MFN1: variants seen among roughly 807,000 people sequenced by gnomAD.
The protein encoded by MFN1 is mitofusin-1.
Under a neutral mutation model 92.4 loss-of-function variants are expected in MFN1, and 65 were observed. The observed-to-expected ratio is 0.70, with a 90% CI of 0.58 to 0.86. The LOEUF (loss-of-function observed/expected upper bound fraction) is 0.86. Ranked by LOEUF, MFN1 falls within the 40% of genes least tolerant of loss-of-function variation. The pLI is 0.00. For missense variants in MFN1, 781 were observed against 868.0 expected, an observed-to-expected ratio of 0.90 and a Z score of 1.26; for synonymous variants, 297 against 300.9, an observed-to-expected ratio of 0.99 and a Z score of 0.13.
At chr3:179,388,386 T>C (rs1713778921) in intron 16 of MFN1, among the ~76,000 whole-genome samples, 1 of 152,222 alleles carries the variant, frequency 6.6e-6, no homozygotes. Flanking sequence ...TATTTTTAGA[T>C]CTCAGGAGAA....
rs1713993499 is a variant in MFN1 at position 179,393,762 on chromosome 3, A to G, written c.*1703A>G. ...CAAAACTCAAGGCTGTAACCTTTAT[A>G]TGAAAGTACTTAAGCTTGAAAGTTC... On this transcript the variant is annotated 3_prime_UTR_variant, in exon 18 of 18. Coordinates refer to ENST00000471841, the MANE Select transcript of MFN1 (RefSeq NM_033540.3). 6.6e-6 allele frequency: 1 copy of G among 152,256 alleles called. No individual in the cohort carries two copies. Among genetic ancestry groups the G allele is most frequent in the Non-Finnish European group, 1.5e-5 (1 of 68,048 alleles). The allele number at this position is 152,256 out of a possible 1,614,324, so 9.4% of individuals were successfully genotyped here.
rs1713260680 is a variant in MFN1, at chr3:179,376,911, T to C, written c.1098-131T>C. On this transcript the variant is annotated intron_variant, in intron 10 of 17. Coordinates refer to ENST00000471841, the MANE Select transcript of MFN1 (RefSeq NM_033540.3). The stretch of plus-strand genomic sequence containing the variant: ...TAAGTGAAATATTACTTGAATCCTT[T>C]GAGATGTTACAAGTTTTTTTTTTCC... 3 of 756,400 alleles carry C rather than the reference T, an allele frequency of 4.0e-6. No individual in the cohort carries two copies. In the South Asian group the frequency reaches 8.1e-5, roughly 20 times the overall value. 46.9% of individuals were successfully genotyped at this position (756,400 alleles called of 1,614,324 possible). A position where few individuals can be genotyped will look rare whatever the true frequency, so the allele number is the denominator to read the frequency against.
Position 179,360,211 on chromosome 3 carries a change from C to T in MFN1, c.411+1209C>T, listed in dbSNP as rs139928450. On this transcript the variant is annotated intron_variant, in intron 4 of 17. Coordinates refer to ENST00000471841, the MANE Select transcript of MFN1 (RefSeq NM_033540.3). ...GATTACAGGCGTGAACCACCACGCCCGGCTGAGACTAACATTATTGAAGTG... is the reference window on the plus strand; with the variant it reads ...GATTACAGGCGTGAACCACCACGCCTGGCTGAGACTAACATTATTGAAGTG... Among the ~76,000 whole-genome samples the T allele has an allele frequency of 5.5e-4, 83 of 152,216 alleles. 1 individual carries two copies. Among genetic ancestry groups the T allele is most frequent in the African/African-American group, 1.7e-3 (71 of 41,526 alleles).
chr3:179,383,979 A>AT (rs1218072670), intron 14 of MFN1, among the ~76,000 whole-genome samples: 2 of 152,138 alleles, frequency 1.3e-5, no homozygotes, highest in Non-Finnish European at 2.9e-5. Flanking sequence ...ATTTGTAGTC[A>AT]ATTATGATTT....
At chr3:179,385,776 G>T (rs1419332728) in intron 15 of MFN1, 55 bp downstream of exon 15, 2 of 1,526,740 alleles carry the variant, frequency 1.3e-6, no homozygotes, top group Non-Finnish European at 1.8e-6. Flanking sequence ...AAGGCTGCCT[G>T]TTAGCTCACA....
intron 7 of MFN1, among the ~76,000 whole-genome samples, chr3:179,367,102 G>A (rs1035087584): frequency 6.6e-6 from 1 of 152,054 alleles, no homozygotes; most frequent in Admixed American, 6.6e-5. Flanking sequence ...TAATTTTTGT[G>A]TTTTTAATAA....
Position 179,385,554 on chromosome 3 carries a change from C to CT in MFN1, c.1663-6dup, listed in dbSNP as rs35893655. 0.61 allele frequency: 874,237 copies of CT among 1,429,922 alleles called. 246,395 individuals carry two copies. Among genetic ancestry groups the CT allele is most frequent in the African/African-American group, 0.76 (50,886 of 67,044 alleles). 88.6% of individuals were successfully genotyped at this position (1,429,922 alleles called of 1,614,324 possible). The stretch of plus-strand genomic sequence containing the variant: ...TTAAGTGTAATCTTTTTTCCTTTCT[C>CT]TTTTTTTTTGGCAGCTCCCTAGATC... On this transcript the variant is annotated splice_polypyrimidine_tract_variant and intron_variant, in intron 14 of 17. Coordinates refer to ENST00000471841, the MANE Select transcript of MFN1 (RefSeq NM_033540.3).
chr3:179,387,584 CTTTTTTTTTTT>C (rs769878779), intron 16 of MFN1, among the ~76,000 whole-genome samples: 17 of 82,262 alleles, frequency 2.1e-4, no homozygotes, highest in African/African-American at 5.9e-4. Context: ...TTTGTGGTTT[CTTTTTTTTTTT>C]TTTTTTTTTT....
intron 3 of MFN1, among the ~76,000 whole-genome samples, chr3:179,353,874 C>G (rs1712249792): frequency 6.6e-6 from 1 of 152,254 alleles, no homozygotes; most frequent in Non-Finnish European, 1.5e-5. Flanking sequence ...GTAGCTACGT[C>G]TAGTGCCTTC....
Position 179,394,043 on chromosome 3 carries a change from T to C in MFN1, c.*1984T>C, listed in dbSNP as rs1224053396. On this transcript the variant is annotated 3_prime_UTR_variant, in exon 18 of 18. Coordinates refer to ENST00000471841, the MANE Select transcript of MFN1 (RefSeq NM_033540.3). The stretch of plus-strand genomic sequence containing the variant: ...GGCTAGTTTTTGTAAAGACGAGGTT[T>C]CCCCATGTTGTGCAGGCTGGTCTTG... 1 of 152,172 alleles carries C rather than the reference T, an allele frequency of 6.6e-6. No individual in the cohort carries two copies. The highest frequency in any genetic ancestry group is 1.5e-5 in the Non-Finnish European group (1 of 68,090). The allele number at this position is 152,172 out of a possible 1,614,324, so 9.4% of individuals were successfully genotyped here.
chr3:179,377,476 C>A, intron 12 of MFN1, 28 bp downstream of exon 12: 2 of 1,354,540 alleles, frequency 1.5e-6, no homozygotes, highest in Non-Finnish European at 2.1e-6. Context: ...TAAAATTATT[C>A]AGAGACAGTT....
chr3:179,362,522 T>C, intron 5 of MFN1, 40 bp downstream of exon 5: 1 of 1,596,236 alleles, frequency 6.3e-7, no homozygotes. Flanking sequence ...TGGAAGTTTA[T>C]TTAATAGTAT....
In MFN1 at chr3:179,385,644, C is replaced by T; in HGVS notation, c.1738C>T (p.Leu580Phe). The change falls in exon 15 of 18, where the codon CTC (leucine) becomes TTC (phenylalanine). Residue 580 changes from leucine (L) to phenylalanine (F), a missense_variant. Physicochemically the swap from Leu to Phe is conservative, Grantham distance 22. Transcript: ENST00000471841. Reference sequence around the variant, plus strand: ...GCCAGATAATGCATCACAGGAAGAACTCATGATTACATTAGTAACAGGATT... The same window carrying T: ...GCCAGATAATGCATCACAGGAAGAATTCATGATTACATTAGTAACAGGATT... The part of the protein sequence containing the change: ...ATPDNASQEE[L>F]MITLVTGLAS... 6.2e-7 allele frequency: 1 copy of T among 1,613,722 alleles called. No individual in the cohort carries two copies. Among genetic ancestry groups the T allele is most frequent in the South Asian group, 1.1e-5 (1 of 91,068 alleles).
In MFN1 at chr3:179,348,899, G is replaced by A. The variant is rs113138747; in HGVS notation, c.48G>A (p.Lys16=). The A allele has an allele frequency of 2.1e-4, 338 of 1,606,846 alleles. 4 individuals carry two copies. In the Middle Eastern group the frequency reaches 2.7e-3, roughly 13 times the overall value. Residue 16 remains lysine (K), a synonymous_variant, in exon 2 of 18, where the codon AAG becomes AAA. Coordinates refer to ENST00000471841, the MANE Select transcript of MFN1 (RefSeq NM_033540.3). ...SPLKHFVLAK[K]AITAIFDQLL... ...TGAAGCACTTTGTGCTGGCTAAGAA[G>A]GCGATTACTGCAATCTTTGACCAGT...
chr3:179,367,518 A>C lies in MFN1; in HGVS notation c.833A>C (p.Asn278Thr). The change falls in exon 8 of 18, where the codon AAT becomes ACT. Residue 278 changes from asparagine to threonine, a missense_variant. Physicochemically the swap from Asn to Thr is moderately conservative, Grantham distance 65. Coordinates refer to ENST00000471841, the MANE Select transcript of MFN1 (RefSeq NM_033540.3). ...LKVVNALEAQ[N>T]RIFFVSAKEV... The stretch of plus-strand genomic sequence containing the variant: ...GTTGTAAATGCTTTAGAAGCACAGA[A>C]TCGTATCTTCTTTGTTTCAGCAAAG... 2 of 1,613,868 alleles carry C rather than the reference A, an allele frequency of 1.2e-6. No individual in the cohort carries two copies. Among genetic ancestry groups the C allele is most frequent in the South Asian group, 2.2e-5 (2 of 91,054 alleles).
chr3:179,376,374 T>G (rs2108547095), intron 10 of MFN1, among the ~76,000 whole-genome samples: 1 of 152,312 alleles, frequency 6.6e-6, no homozygotes, highest in Admixed American at 6.5e-5. Context: ...TAGTAATAAT[T>G]TTTAAAGATA....
intron 17 of MFN1, among the ~76,000 whole-genome samples, chr3:179,390,655 C>T (rs1713864125): frequency 6.6e-6 from 1 of 152,154 alleles, no homozygotes; most frequent in South Asian, 2.1e-4. Context: ...GAAAGTGTCA[C>T]CATTCGGTCT....
rs1368044798 is a variant in MFN1, at chr3:179,367,503, C to A, written c.818C>A (p.Ala273Asp). The A allele has an allele frequency of 6.2e-7, 1 of 1,613,668 alleles. No individual in the cohort carries two copies. The highest frequency in any genetic ancestry group is 1.1e-5 in the South Asian group (1 of 91,056). The change falls in exon 8 of 18, where the codon GCT becomes GAT. Residue 273 changes from alanine to aspartate, a missense_variant. Physicochemically the swap from Ala to Asp is moderately radical, Grantham distance 126. Transcript: ENST00000471841. Reference sequence around the variant, plus strand: ...GTGGAGGAGCTCAAAGTTGTAAATGCTTTAGAAGCACAGAATCGTATCTTC... The same window carrying A: ...GTGGAGGAGCTCAAAGTTGTAAATGATTTAGAAGCACAGAATCGTATCTTC... ...FLVEELKVVN[A>D]LEAQNRIFFV...
chr3:179,367,206 G>A (rs752393489), intron 7 of MFN1, among the ~76,000 whole-genome samples: 2 of 152,358 alleles, frequency 1.3e-5, no homozygotes, highest in East Asian at 1.9e-4. Context: ...GATTGCAGGC[G>A]TGAGCCACTG....
Sources: allele counts gnomAD v4.1 joint callset (sites outside exome capture counted in the v4.1 genomes callset), GRCh38; gene constraint gnomAD v4.1.1; transcripts MANE v1.5; gene names NCBI Gene and HGNC (gene_info 2026-07-23, HGNC 2026-07-21).